The following TENM2 variants were observed in gnomAD, a reference collection of about 807,000 sequenced individuals.
The protein encoded by TENM2 is teneurin-2.
TENM2 carries 52 observed loss-of-function variants against 245.2 expected under a neutral mutation model. The ratio of observed to expected loss-of-function variants is 0.21; its 90% CI spans 0.17 to 0.27. The LOEUF (loss-of-function observed/expected upper bound fraction) is 0.27, where lower values mean the gene tolerates loss of function less well. TENM2 is among the 10% of genes least tolerant of loss of function. The pLI, the probability that TENM2 is intolerant of heterozygous loss-of-function variation, is 1.00. For synonymous variants in TENM2, 1,363 were observed against 1,438.9 expected (o/e 0.95, Z 1.19); for missense variants, 3,046 against 3,666.8 (o/e 0.83, Z 4.37).
chr5:167,467,970 C>G (rs1766777893), intron 2 of TENM2, among the ~76,000 whole-genome samples: 1 of 152,132 alleles, frequency 6.6e-6, no homozygotes, highest in Non-Finnish European at 1.5e-5. Context: ...AAGTTTCGCT[C>G]TTGTCGCCCA....
At chr5:168,211,585 C>A in intron 19 of TENM2, 149 bp from the exon 22 acceptor site, 1 of 564,866 alleles carries the variant, frequency 1.8e-6, no homozygotes, top group Non-Finnish European at 3.1e-6. Flanking sequence ...AGCTATTGAG[C>A]CAGGAGTTGT....
At chr5:167,160,358 C>T in the TENM2 span, among the ~76,000 whole-genome samples, 3 of 152,338 alleles carry the variant, frequency 2.0e-5, no homozygotes, top group East Asian at 5.8e-4. Context: ...ATGGTCCCTA[C>T]CACTCATGCC....
the TENM2 span, among the ~76,000 whole-genome samples, chr5:167,093,965 C>T: frequency 2.0e-5 from 3 of 152,240 alleles, no homozygotes; most frequent in East Asian, 3.9e-4. Flanking sequence ...AAATGCCCTC[C>T]GCCATCTTTC....
chr5:168,218,821 G>C lies in TENM2; in HGVS notation c.4930G>C (p.Gly1644Arg), dbSNP rs140633859. The C allele has an allele frequency of 2.0e-4, 317 of 1,613,966 alleles. 1 individual carries two copies. In the African/African-American group the frequency reaches 3.7e-3, roughly 19 times the overall value. Residue 1644 changes from glycine (G) to arginine (R), a missense_variant, in exon 23 of 29, where the codon GGC becomes CGC. Gly to Arg is a moderately radical substitution (Grantham distance 125). Around this residue, in one of 2 missense-constraint regions of TENM2, gnomAD observed 2,704 missense variants for 3,331.9 expected, o/e 0.81. Transcript: ENST00000518659. This position sits in a 1 kb window ranked among gnomAD's most constrained non-coding sequence, Gnocchi z 5.2. ...CCTGAAGATCCGTCGGGACAGCAGT[G>C]GCATGCCCCGTCACCTGCTCATGCC... is the stretch of plus-strand genomic sequence containing the variant.
intron 2 of TENM2, among the ~76,000 whole-genome samples, chr5:167,807,282 C>T (rs1454896765): frequency 2.0e-5 from 3 of 151,830 alleles, no homozygotes; most frequent in African/African-American, 7.2e-5. Flanking sequence ...CCCCAGTGTT[C>T]TAATAAAAGC....
rs149954219 is a variant in TENM2 at position 167,387,729 on chromosome 5, C to T, written c.502+12256C>T. 3.0e-4 allele frequency among the ~76,000 whole-genome samples: 46 copies of T among 152,000 alleles called. 1 individual carries two copies. Among genetic ancestry groups the T allele is most frequent in the Middle Eastern group, 3.4e-3 (1 of 294 alleles). ...TTTGCTGAGAGTTTTAATCATAAAG[C>T]GATGCTGGGTTTTTTCGAATGTTTT... On this transcript the variant is annotated intron_variant, in intron 2 of 28. Transcript: ENST00000518659.
At chr5:167,353,336 G>C in intron 1 of TENM2, among the ~76,000 whole-genome samples, 1 of 146,476 alleles carries the variant, frequency 6.8e-6, no homozygotes, top group East Asian at 2.4e-4. Flanking sequence ...GGGGTGGTGG[G>C]GGTGCAGAAA....
At chr5:167,432,663 A>G (rs1764319729) in intron 2 of TENM2, among the ~76,000 whole-genome samples, 1 of 150,220 alleles carries the variant, frequency 6.7e-6, no homozygotes, top group African/African-American at 2.5e-5. Context: ...TTCCAAATTC[A>G]TTGAATAATT....
intron 2 of TENM2, among the ~76,000 whole-genome samples, chr5:167,615,991 C>G (rs549729201): frequency 5.0e-4 from 76 of 152,196 alleles, no homozygotes; most frequent in Non-Finnish European, 8.8e-4. Flanking sequence ...GCTGAGCTTG[C>G]GAAGAATACA....
intron 9 of TENM2, among the ~76,000 whole-genome samples, chr5:168,105,020 T>A (rs1056384439): frequency 2.0e-5 from 3 of 152,080 alleles, no homozygotes; most frequent in Non-Finnish European, 4.4e-5. Context: ...GGGGGTAACA[T>A]AAATGGGAGT....
intron 2 of TENM2, among the ~76,000 whole-genome samples, chr5:167,802,937 G>A (rs1561798161): frequency 6.6e-6 from 1 of 152,074 alleles, no homozygotes; most frequent in Non-Finnish European, 1.5e-5. Context: ...AGAAATGATG[G>A]CATGTTGACC....
At chr5:167,925,394 G>A (rs1258986447) in intron 3 of TENM2, among the ~76,000 whole-genome samples, 1 of 152,198 alleles carries the variant, frequency 6.6e-6, no homozygotes, top group Non-Finnish European at 1.5e-5. Flanking sequence ...AGGGGCACGA[G>A]GGAACTTTCT....
intron 2 of TENM2, among the ~76,000 whole-genome samples, chr5:167,853,548 A>C (rs1462767464): frequency 5.3e-5 from 8 of 152,052 alleles, no homozygotes; most frequent in African/African-American, 1.7e-4. Flanking sequence ...ATTGGCTGCA[A>C]TGTGATTTTC....
At chr5:167,950,694 T>C (rs1407672360) in intron 3 of TENM2, among the ~76,000 whole-genome samples, 2 of 152,176 alleles carry the variant, frequency 1.3e-5, no homozygotes, top group Non-Finnish European at 2.9e-5. Flanking sequence ...GGATCATTAT[T>C]ACATCATTTC....
chr5:167,937,053 T>C (rs1304274941), intron 3 of TENM2, among the ~76,000 whole-genome samples: 1 of 152,242 alleles, frequency 6.6e-6, no homozygotes, highest in Non-Finnish European at 1.5e-5. Flanking sequence ...TGTTTTGATA[T>C]ATGTACATTG....
At chr5:167,626,343 G>T (rs139449338) in intron 2 of TENM2, among the ~76,000 whole-genome samples, 225 of 151,726 alleles carry the variant, frequency 1.5e-3, no homozygotes, top group African/African-American at 5.0e-3. Flanking sequence ...TTTTCATGCT[G>T]TGTGTTTCTG....
chr5:167,556,655 G>C (rs1230625203), intron 2 of TENM2, among the ~76,000 whole-genome samples: 19 of 152,084 alleles, frequency 1.2e-4, no homozygotes, highest in Admixed American at 1.2e-3. Flanking sequence ...AGCCACCATA[G>C]TAGGTCAGTG....
At chr5:168,074,466 G>A (rs549634624) in intron 7 of TENM2, among the ~76,000 whole-genome samples, 37 of 152,248 alleles carry the variant, frequency 2.4e-4, no homozygotes, top group Admixed American at 1.7e-3. Context: ...CTGGCCTCCC[G>A]TCATGCAAAG....
At chr5:167,143,410 A>G in the TENM2 span, among the ~76,000 whole-genome samples, 1 of 152,084 alleles carries the variant, frequency 6.6e-6, no homozygotes. Flanking sequence ...GGATGCCTGT[A>G]TTTTATCTTC....
Sources: gnomAD v4.1 joint callset for allele counts (sites outside exome capture counted in the v4.1 genomes callset) on GRCh38, gnomAD v4.1.1 for gene constraint, gnomAD v4.1.1 regional missense constraint, Gnocchi (gnomAD v3.1) non-coding constraint, MANE v1.5 for transcripts, NCBI Gene and HGNC (gene_info 2026-07-23, HGNC 2026-07-21) for gene names.